FAM120B: variants seen among roughly 807,000 people sequenced by gnomAD.
FAM120B encodes the protein constitutive coactivator of peroxisome proliferator-activated receptor gamma.
FAM120B carries 83 observed loss-of-function variants against 96.3 expected under a neutral mutation model. That is an observed-to-expected ratio of 0.86 (90% confidence interval 0.72 to 1.03). The LOEUF (loss-of-function observed/expected upper bound fraction) is 1.03, where lower values mean the gene tolerates loss of function less well. Ranked by LOEUF, FAM120B falls within the 50% of genes least tolerant of loss-of-function variation. The pLI, the probability that FAM120B is intolerant of heterozygous loss-of-function variation, is 0.00. For synonymous variants in FAM120B, 407 were observed against 402.7 expected (o/e 1.01, Z -0.13); for missense variants, 1,027 against 1,121.2 (o/e 0.92, Z 1.20).
chr6:170,333,874 G>A (rs1375445689), intron 4 of FAM120B, among the ~76,000 whole-genome samples: 1 of 152,190 alleles, frequency 6.6e-6, no homozygotes, highest in Admixed American at 6.5e-5. Flanking sequence ...TATCATGGAA[G>A]ATGATGTTTC....
At chr6:170,391,727 G>T (rs1790490817) in intron 8 of FAM120B, among the ~76,000 whole-genome samples, 1 of 152,146 alleles carries the variant, frequency 6.6e-6, no homozygotes, top group Non-Finnish European at 1.5e-5. Flanking sequence ...AAGAGTTTAG[G>T]TTTATTTTTT....
At position 170,321,103 on chromosome 6, in the gene FAM120B, AGTG is replaced by A. The variant is rs1279217758; in HGVS notation, c.1735-1971_1735-1969del. 2.0e-5 allele frequency among the ~76,000 whole-genome samples: 3 copies of A among 152,298 alleles called. No individual in the cohort carries two copies. In the East Asian group the frequency reaches 5.8e-4, roughly 29 times the overall value. On this transcript the variant is annotated intron_variant, in intron 2 of 10. Transcript: ENST00000476287. Reference sequence around the variant, plus strand: ...TCACAGGAAGGGAGTGCCTGGGCAAAGTGGTGGGTCGAGAGTTGTTCACATGGA... The same window carrying A: ...TCACAGGAAGGGAGTGCCTGGGCAAAGTGGGTCGAGAGTTGTTCACATGGA...
At chr6:170,393,440 A>T (rs770891639) in intron 8 of FAM120B, among the ~76,000 whole-genome samples, 3 of 152,184 alleles carry the variant, frequency 2.0e-5, no homozygotes, top group Non-Finnish European at 2.9e-5. Context: ...CTAAATTTTG[A>T]CTATTTTCTA....
chr6:170,353,672 T>C (rs930684101), intron 5 of FAM120B, among the ~76,000 whole-genome samples: 6 of 152,058 alleles, frequency 3.9e-5, no homozygotes, highest in Non-Finnish European at 7.3e-5. Flanking sequence ...CCATTCACAA[T>C]TGCTACAAAA....
At position 170,387,626 on chromosome 6, in the gene FAM120B, A is replaced by G. The variant is rs546124327; in HGVS notation, c.2284-661A>G. Reference sequence around the variant, plus strand: ...TGTTGGACATCAAGGTAAATTTGACAGTGAAAAGAAATATTTCATATTGGT... The same window carrying G: ...TGTTGGACATCAAGGTAAATTTGACGGTGAAAAGAAATATTTCATATTGGT... On this transcript the variant is annotated intron_variant, in intron 6 of 10. Transcript: ENST00000476287. Among the ~76,000 whole-genome samples the G allele has an allele frequency of 5.9e-5, 9 of 152,360 alleles. No homozygotes were observed. The South Asian group carries it at 1.7e-3, about 28-fold the overall frequency.
chr6:170,399,238 A>C (rs1778394718), intron 9 of FAM120B, among the ~76,000 whole-genome samples: 2 of 145,364 alleles, frequency 1.4e-5, no homozygotes, highest in African/African-American at 5.3e-5. Context: ...CATAACTCTT[A>C]GGAGTGAGTG....
Position 170,341,450 on chromosome 6 carries a change from G to T in FAM120B, c.2018-6701G>T, listed in dbSNP as rs577797252. Among the ~76,000 whole-genome samples, 40 of 152,294 alleles carry T rather than the reference G, an allele frequency of 2.6e-4. No individual in the cohort carries two copies. In the South Asian group the frequency reaches 3.5e-3, roughly 13 times the overall value. ...GCTGGGCTCCATGAGAATGGGACCC[G>T]CTGAGTGAGACCACTTGGCTCCCTG... On this transcript the variant is annotated intron_variant, in intron 4 of 10. Coordinates refer to ENST00000476287, the MANE Select transcript of FAM120B (RefSeq NM_032448.3).
rs565539832 is a variant in FAM120B, at chr6:170,329,238, C to T, written c.1916-1211C>T. Among the ~76,000 whole-genome samples, 8 of 152,384 alleles carry T rather than the reference C, an allele frequency of 5.2e-5. No individual in the cohort carries two copies. The South Asian group carries it at 1.7e-3, about 32-fold the overall frequency. ...GGCCTCAATAGTCTTGATCTCCAGTCTCTGTCTCCTCATCTGAGGAACTAC... is the reference window on the plus strand; with the variant it reads ...GGCCTCAATAGTCTTGATCTCCAGTTTCTGTCTCCTCATCTGAGGAACTAC... On this transcript the variant is annotated intron_variant, in intron 3 of 10. Coordinates refer to ENST00000476287, the MANE Select transcript of FAM120B (RefSeq NM_032448.3).
rs932593945 is a variant in FAM120B at position 170,343,826 on chromosome 6, T to C, written c.2018-4325T>C. On this transcript the variant is annotated intron_variant, in intron 4 of 10. Transcript: ENST00000476287. ...ATGTGGGAGAGAGAAAAATAAAACC[T>C]GTTGATTCCATAAGTTGTTTACCAG... 7.2e-5 allele frequency among the ~76,000 whole-genome samples: 11 copies of C among 152,170 alleles called. No homozygotes were observed. The South Asian group carries it at 2.3e-3, about 31-fold the overall frequency.
At chr6:170,330,678 T>G (rs929553721) in intron 4 of FAM120B, 128 bp downstream of exon 4, 11 of 696,946 alleles carry the variant, frequency 1.6e-5, no homozygotes, top group African/African-American at 1.3e-4. Context: ...TTTAAACCCT[T>G]GGCTCATGAT....
chr6:170,354,652 G>A (rs1316667966), intron 5 of FAM120B, among the ~76,000 whole-genome samples: 8 of 152,158 alleles, frequency 5.3e-5, no homozygotes, highest in Admixed American at 1.3e-4. Flanking sequence ...AGCCGGGCGC[G>A]GTGGCTGATG....
Position 170,330,502 on chromosome 6 carries a change from C to T in FAM120B, c.1969C>T (p.Pro657Ser). The T allele has an allele frequency of 6.2e-7, 1 of 1,614,160 alleles. No homozygotes were observed. The highest frequency in any genetic ancestry group is 1.6e-4 in the Middle Eastern group (1 of 6,062). ...VKEWFVYPGN[P>S]LRHPDLVRPL... ...GGAGTGGTTTGTGTATCCTGGGAACCCACTGAGGCACCCGGACCTCGTCAG... is the reference window on the plus strand; with the variant it reads ...GGAGTGGTTTGTGTATCCTGGGAACTCACTGAGGCACCCGGACCTCGTCAG... The change falls in exon 4 of 11, where the codon CCA (proline) becomes TCA (serine). Residue 657 changes from proline (P) to serine (S), a missense_variant. Around this residue, in one of 3 missense-constraint regions of FAM120B, gnomAD observed 880 missense variants for 980.9 expected, o/e 0.90. Coordinates refer to ENST00000476287, the MANE Select transcript of FAM120B (RefSeq NM_032448.3).
At chr6:170,368,829 G>GGA (rs1554287969) in intron 6 of FAM120B, among the ~76,000 whole-genome samples, 1 of 148,886 alleles carries the variant, frequency 6.7e-6, no homozygotes, top group Non-Finnish European at 1.5e-5. Flanking sequence ...CTGGGGGGGG[G>GGA]GCTCCCTCCT....
chr6:170,366,807 C>T (rs541949970), intron 6 of FAM120B, among the ~76,000 whole-genome samples: 7 of 152,352 alleles, frequency 4.6e-5, no homozygotes, highest in African/African-American at 1.7e-4. Context: ...GGGCCTTGAT[C>T]TTCCCCTAGT....
intron 4 of FAM120B, among the ~76,000 whole-genome samples, chr6:170,333,715 GC>G (rs1392798424): frequency 6.6e-6 from 1 of 151,996 alleles, no homozygotes; most frequent in Non-Finnish European, 1.5e-5. Context: ...CAAACTCCTG[GC>G]CGCAAATGAT....
At chr6:170,359,584 A>G (rs1404945321) in intron 6 of FAM120B, among the ~76,000 whole-genome samples, 2 of 151,818 alleles carry the variant, frequency 1.3e-5, no homozygotes, top group Non-Finnish European at 2.9e-5. Context: ...GCTAATTTAT[A>G]TGTGTGTGTG....
chr6:170,394,876 TG>T (rs60833152), intron 8 of FAM120B, among the ~76,000 whole-genome samples: 93 of 152,374 alleles, frequency 6.1e-4, no homozygotes, highest in African/African-American at 2.1e-3. Flanking sequence ...CCAGTGCACC[TG>T]TGGAGCAGGG....
At chr6:170,367,051 T>C (rs1213688786) in intron 6 of FAM120B, among the ~76,000 whole-genome samples, 1 of 152,258 alleles carries the variant, frequency 6.6e-6, no homozygotes, top group East Asian at 1.9e-4. Context: ...AAGTCACTTT[T>C]AAGCTTGTTT....
chr6:170,296,164 G>A (rs1202954903), intron 1 of FAM120B, among the ~76,000 whole-genome samples: 1 of 152,104 alleles, frequency 6.6e-6, no homozygotes, highest in Non-Finnish European at 1.5e-5. Flanking sequence ...GAACCCCGGA[G>A]CTGCCCCTCC....
Sources: allele counts gnomAD v4.1 joint callset (sites outside exome capture counted in the v4.1 genomes callset), GRCh38; gene constraint gnomAD v4.1.1; regional missense constraint gnomAD v4.1.1; transcripts MANE v1.5; gene names NCBI Gene and HGNC (gene_info 2026-07-23, HGNC 2026-07-21).